DLEU7: variants seen among roughly 807,000 people sequenced by gnomAD.
DLEU7 encodes deleted in lymphocytic leukemia 7.
A neutral mutation model predicts 16.0 loss-of-function variants in DLEU7; 17 were observed. The observed-to-expected ratio is 1.06, with a 90% CI of 0.73 to 1.59. DLEU7 has a LOEUF of 1.59. Ranked by LOEUF, DLEU7 falls within the 40% of genes most tolerant of loss-of-function variation. The pLI is 0.00. For missense variants in DLEU7, 308 were observed against 314.9 expected (o/e 0.98, Z 0.17); for synonymous variants, 113 against 139.8 (o/e 0.81, Z 1.35).
Position 50,743,199 on chromosome 13 carries a change from A to T in DLEU7, c.460-29959T>A, listed in dbSNP as rs151328469. On this transcript the variant is annotated intron_variant, in intron 1 of 1. Transcript: ENST00000400393. ...AAGGCAGGCAGGCAGGCAGGCAGGC[A>T]GGCTGGCTGGCTGGCTGGCTAGGTT... Among the ~76,000 whole-genome samples the T allele has an allele frequency of 9.0e-3, 1,283 of 143,122 alleles. 11 individuals are homozygous for T. Among genetic ancestry groups the T allele is most frequent in the African/African-American group, 0.018 (707 of 38,776 alleles). The allele number at this position is 143,122 out of a possible 152,430, so 93.9% of individuals were successfully genotyped here.
intron 1 of DLEU7, among the ~76,000 whole-genome samples, chr13:50,739,299 A>T (rs866283947): frequency 1.2e-4 from 19 of 152,166 alleles, no homozygotes; most frequent in African/African-American, 3.9e-4. Flanking sequence ...ATTGTGGTCC[A>T]GATTAGAAGA....
At chr13:50,822,360 C>CT (rs950084900), downstream of DLEU7, among the ~76,000 whole-genome samples, 20 of 152,084 alleles carry the variant, frequency 1.3e-4, no homozygotes, top group Non-Finnish European at 2.2e-4. Context: ...TCACTATAAT[C>CT]TTTTTTTTCT....
rs531342329 is a variant in DLEU7, at chr13:50,833,206, C to G, written c.460-9686G>C. ...TTGGAAGTTCTGGCCAGGGCAATCACGCAAGAGAAAGAAATAAAGCGTATT... is the reference window on the plus strand; with the variant it reads ...TTGGAAGTTCTGGCCAGGGCAATCAGGCAAGAGAAAGAAATAAAGCGTATT... On this transcript the variant is annotated intron_variant, in intron 1 of 1. Coordinates refer to ENST00000504404, the MANE Select transcript of DLEU7 (RefSeq NM_001306135.2). 3.9e-5 allele frequency among the ~76,000 whole-genome samples: 6 copies of G among 152,194 alleles called. No homozygotes were observed. The East Asian group carries it at 9.6e-4, about 24-fold the overall frequency.
At chr13:50,831,510 G>A (rs938452617) in intron 1 of DLEU7, among the ~76,000 whole-genome samples, 3 of 152,206 alleles carry the variant, frequency 2.0e-5, no homozygotes, top group African/African-American at 7.2e-5. Context: ...GAGAACATTA[G>A]TCTGAAAAGA....
chr13:50,758,177 T>C (rs1874820774), intron 1 of DLEU7, among the ~76,000 whole-genome samples: 1 of 151,972 alleles, frequency 6.6e-6, no homozygotes. Context: ...CCAAGATGTA[T>C]TTTTAACCAT....
chr13:50,753,960 A>G (rs944830999), intron 1 of DLEU7, among the ~76,000 whole-genome samples: 3 of 152,200 alleles, frequency 2.0e-5, no homozygotes, highest in African/African-American at 7.2e-5. Context: ...AGGTTATTTA[A>G]TTTCCATGTA....
intron 1 of DLEU7, among the ~76,000 whole-genome samples, chr13:50,725,095 G>C (rs1873730958): frequency 6.6e-6 from 1 of 152,060 alleles, no homozygotes; most frequent in South Asian, 2.1e-4. Flanking sequence ...ACAATGCCCA[G>C]CTCCCCCGTT....
At chr13:50,773,172 C>G (rs1875379344) in intron 1 of DLEU7, among the ~76,000 whole-genome samples, 1 of 152,272 alleles carries the variant, frequency 6.6e-6, no homozygotes, top group Middle Eastern at 3.4e-3. Flanking sequence ...TTCGTCTAAT[C>G]TTTTTTCAAG....
At chr13:50,793,652 T>C (rs768104826) in intron 1 of DLEU7, among the ~76,000 whole-genome samples, 14 of 152,242 alleles carry the variant, frequency 9.2e-5, no homozygotes, top group Non-Finnish European at 1.5e-4. Flanking sequence ...AGGTCTTCTT[T>C]TGAGAAGTGT....
chr13:50,806,411 T>C (rs888473092), intron 1 of DLEU7, among the ~76,000 whole-genome samples: 1 of 146,884 alleles, frequency 6.8e-6, no homozygotes, highest in Non-Finnish European at 1.5e-5. Flanking sequence ...TTTTCTCTCC[T>C]TAATTTAATG....
intron 1 of DLEU7, among the ~76,000 whole-genome samples, chr13:50,731,169 A>G (rs1489065457): frequency 1.3e-5 from 2 of 152,204 alleles, no homozygotes; most frequent in African/African-American, 4.8e-5. Context: ...CAAGTAACCA[A>G]TGGGAAACCT....
intron 1 of DLEU7, among the ~76,000 whole-genome samples, chr13:50,833,659 T>C (rs1469246514): frequency 6.6e-6 from 1 of 152,114 alleles, no homozygotes; most frequent in African/African-American, 2.4e-5. Flanking sequence ...CAAGCTACCA[T>C]TGACTTTCTT....
At chr13:50,767,465 A>AAAAAGGAAAGAAAAAAAG (rs1459601645) in intron 1 of DLEU7, among the ~76,000 whole-genome samples, 4 of 151,462 alleles carry the variant, frequency 2.6e-5, no homozygotes, top group Admixed American at 6.6e-5. Context: ...CAAAAAAAAA[A>AAAAAGGAAAGAAAAAAAG]AAAAAAAAAA....
At position 50,836,008 on chromosome 13, in the gene DLEU7, A is replaced by T. The variant is rs144975021; in HGVS notation, c.459+7180T>A. On this transcript the variant is annotated intron_variant, in intron 1 of 1. Transcript: ENST00000504404. ...AACCCAATATGACTTAATAGACTCT[A>T]AAATGCAGATAACATTTAAACAATC... Among the ~76,000 whole-genome samples the T allele has an allele frequency of 6.9e-3, 1,054 of 152,376 alleles. 12 individuals carry two copies. Among genetic ancestry groups the T allele is most frequent in the South Asian group, 0.031 (148 of 4,824 alleles).
At chr13:50,730,631 TAA>T (rs1873888947) in intron 1 of DLEU7, among the ~76,000 whole-genome samples, 1 of 152,182 alleles carries the variant, frequency 6.6e-6, no homozygotes, top group South Asian at 2.1e-4. Flanking sequence ...TCCTGGTTTT[TAA>T]ATCAGAGTGT....
intron 1 of DLEU7, among the ~76,000 whole-genome samples, chr13:50,721,619 G>T (rs1214194046): frequency 6.6e-6 from 1 of 152,084 alleles, no homozygotes; most frequent in Non-Finnish European, 1.5e-5. Context: ...ATAAACAGAA[G>T]AAGAGACAAT....
intron 1 of DLEU7, among the ~76,000 whole-genome samples, chr13:50,715,012 C>T (rs2540524): frequency 0.18 from 26,816 of 152,100 alleles, 3,112 homozygotes; most frequent in East Asian, 0.35. Context: ...GTTTCCAGGC[C>T]TCTGCGCCTT....
chr13:50,774,475 C>T (rs549353263), intron 1 of DLEU7, among the ~76,000 whole-genome samples: 2 of 152,094 alleles, frequency 1.3e-5, no homozygotes, highest in Admixed American at 6.5e-5. Context: ...AGAAACTAGA[C>T]GTCATGTTTA....
intron 1 of DLEU7, among the ~76,000 whole-genome samples, chr13:50,788,410 C>G (rs1462742565): frequency 1.3e-5 from 2 of 152,192 alleles, no homozygotes; most frequent in African/African-American, 2.4e-5. Flanking sequence ...TGTGAAAACA[C>G]TGACGAATAA....
Sources: gnomAD v4.1 joint callset for allele counts (sites outside exome capture counted in the v4.1 genomes callset) on GRCh38, gnomAD v4.1.1 for gene constraint, MANE v1.5 for transcripts, NCBI Gene and HGNC (gene_info 2026-07-23, HGNC 2026-07-21) for gene names.